The following JADE3 variants were observed in gnomAD, a reference collection of about 807,000 sequenced individuals.
JADE3 encodes the protein protein Jade-3.
A neutral mutation model predicts 50.1 loss-of-function variants in JADE3; 2 were observed. That is an observed-to-expected ratio of 0.04 (90% confidence interval 0.02 to 0.13). The LOEUF (loss-of-function observed/expected upper bound fraction) is 0.13. Ranked by LOEUF, JADE3 falls within the 10% of genes least tolerant of loss-of-function variation. The pLI, the probability that JADE3 is intolerant of heterozygous loss-of-function variation, is 1.00. For missense variants in JADE3, 475 were observed against 634.4 expected, an observed-to-expected ratio of 0.75 and a Z score of 2.70; for synonymous variants, 218 against 232.9, an observed-to-expected ratio of 0.94 and a Z score of 0.58.
intron 4 of JADE3, among the ~76,000 whole-genome samples, chrX:47,009,630 T>C (rs1283326838): frequency 9.2e-6 from 1 of 108,584 alleles, no homozygotes; most frequent in African/African-American, 3.4e-5. Flanking sequence ...TTTTTTTTTT[T>C]CTTTTCATTT....
chrX:47,027,376 A>AC (rs1928929498), intron 5 of JADE3, among the ~76,000 whole-genome samples: 1 of 112,388 alleles, frequency 8.9e-6, no homozygotes, highest in African/African-American at 3.2e-5. Context: ...AATCACCTAC[A>AC]CATGGGACCT....
chrX:47,042,130 T>A (rs1298554347), intron 8 of JADE3, among the ~76,000 whole-genome samples: 1 of 111,453 alleles, frequency 9.0e-6, no homozygotes, highest in Non-Finnish European at 1.9e-5. Flanking sequence ...AGTAGCTAGG[T>A]CTGTAGGCAC....
intron 4 of JADE3, among the ~76,000 whole-genome samples, chrX:47,010,578 G>A (rs1928538635): frequency 9.0e-6 from 1 of 111,619 alleles, no homozygotes; most frequent in Non-Finnish European, 1.9e-5. Context: ...TAAATTATAT[G>A]GTGGTTTTTA....
intron 4 of JADE3, among the ~76,000 whole-genome samples, chrX:46,998,682 ATTTGTTTG>A (rs781855188): frequency 1.8e-5 from 2 of 109,573 alleles, no homozygotes; most frequent in Non-Finnish European, 3.8e-5. Flanking sequence ...TTATTTATTT[ATTTGTTTG>A]TTTGTTTGTT....
At chrX:46,953,207 C>A (rs1452018351) in intron 1 of JADE3, among the ~76,000 whole-genome samples, 4 of 94,133 alleles carry the variant, frequency 4.2e-5, no homozygotes, top group Admixed American at 1.2e-4. Flanking sequence ...ATTCCCCCCC[C>A]ACCGCCCCCC....
intron 9 of JADE3, 90 bp downstream of exon 9, chrX:47,054,718 A>C (rs957084820): frequency 7.6e-6 from 4 of 524,023 alleles, no homozygotes; most frequent in Admixed American, 3.9e-5. Flanking sequence ...CAGTCAGCTC[A>C]TAATAGTGTG....
chrX:46,942,050 C>T (rs782800262), intron 1 of JADE3, among the ~76,000 whole-genome samples: 9 of 110,590 alleles, frequency 8.1e-5, no homozygotes, highest in Non-Finnish European at 1.5e-4. Flanking sequence ...GCCTTTTGTC[C>T]ACCTTTTAAT....
chrX:47,058,079 A>G, intron 10 of JADE3, 88 bp from the exon 11 acceptor site: 1 of 755,818 alleles, frequency 1.3e-6, no homozygotes, highest in Non-Finnish European at 2.0e-6. Context: ...AACATTTGGA[A>G]GAGTAGGTAT....
chrX:46,949,337 A>C lies in JADE3; in HGVS notation c.-11-35547A>C, dbSNP rs554388515. On this transcript the variant is annotated intron_variant, in intron 1 of 10. Transcript: ENST00000614628. ...AGCATTCTCATACATGTCTTCAGGA[A>C]CATTTGTGTACATTTCTGTTGTATA... is the stretch of plus-strand genomic sequence containing the variant. Among the ~76,000 whole-genome samples the C allele has an allele frequency of 1.3e-3, 151 of 111,935 alleles. 3 individuals are homozygous for C. The highest frequency in any genetic ancestry group is 0.011 in the South Asian group (30 of 2,685).
At chrX:46,973,672 T>G (rs781860784) in intron 1 of JADE3, among the ~76,000 whole-genome samples, 1 of 112,227 alleles carries the variant, frequency 8.9e-6, no homozygotes, top group African/African-American at 3.2e-5. Flanking sequence ...AGGGGTGAAT[T>G]CTGAATTAAA....
intron 8 of JADE3, among the ~76,000 whole-genome samples, chrX:47,040,871 A>C (rs1929241249): frequency 8.9e-6 from 1 of 111,831 alleles, no homozygotes; most frequent in South Asian, 3.7e-4. Context: ...TTTACTGGGA[A>C]GTTGTAATTG....
Position 47,017,234 on chromosome X carries a change from G to GT in JADE3, c.285-7489dup, listed in dbSNP as rs202137898. Among the ~76,000 whole-genome samples the GT allele has an allele frequency of 4.5e-3, 500 of 111,665 alleles. 1 individual carries two copies. The highest frequency in any genetic ancestry group is 0.015 in the African/African-American group (466 of 30,737). ...AGAGATTACAGAGCCATCTTGCACT[G>GT]TAAGTTATAGCTGCTTAGGTAAGTA... On this transcript the variant is annotated intron_variant, in intron 4 of 10. Coordinates refer to ENST00000614628, the MANE Select transcript of JADE3 (RefSeq NM_014735.5).
intron 10 of JADE3, among the ~76,000 whole-genome samples, chrX:47,056,904 G>A (rs1317665707): frequency 8.9e-6 from 1 of 112,187 alleles, no homozygotes. Context: ...TGGACAGGGT[G>A]TGCAGAATCA....
At position 47,058,148 on chromosome X, in the gene JADE3, T is replaced by C; in HGVS notation, c.1562-19T>C. The C allele has an allele frequency of 8.5e-7, 1 of 1,180,205 alleles. No homozygotes were observed. Among genetic ancestry groups the C allele is most frequent in the Admixed American group, 2.4e-5 (1 of 42,160 alleles). On this transcript the variant is annotated intron_variant, in intron 10 of 10. Transcript: ENST00000614628. ...TATTTAAATCGGTTGTTAAAACGAATCTTTCTTTTTTATCTCAGGGCTTCC... is the reference window on the plus strand; with the variant it reads ...TATTTAAATCGGTTGTTAAAACGAACCTTTCTTTTTTATCTCAGGGCTTCC...
chrX:46,952,451 T>C (rs1413111600), intron 1 of JADE3, among the ~76,000 whole-genome samples: 1 of 112,327 alleles, frequency 8.9e-6, no homozygotes, highest in Non-Finnish European at 1.9e-5. Flanking sequence ...GTGTGTTAAC[T>C]CATTTCTCCA....
At chrX:47,004,712 C>T (rs987773888) in intron 4 of JADE3, among the ~76,000 whole-genome samples, 11 of 112,632 alleles carry the variant, frequency 9.8e-5, no homozygotes, top group Non-Finnish European at 1.7e-4. Context: ...GGATTACGGG[C>T]GTGAGCCACT....
intron 1 of JADE3, among the ~76,000 whole-genome samples, chrX:46,927,749 C>G (rs1188991518): frequency 9.0e-6 from 1 of 111,624 alleles, no homozygotes; most frequent in Non-Finnish European, 1.9e-5. Context: ...AAATACTCAG[C>G]AAGTCTTGCC....
chrX:46,936,235 T>G (rs1556341035), intron 1 of JADE3, among the ~76,000 whole-genome samples: 2 of 111,052 alleles, frequency 1.8e-5, no homozygotes. Context: ...GCCAAGCTGG[T>G]CTTGAATTCC....
chrX:46,944,381 C>CT (rs1281835357), intron 1 of JADE3, among the ~76,000 whole-genome samples: 1 of 107,962 alleles, frequency 9.3e-6, no homozygotes, highest in Non-Finnish European at 1.9e-5. Context: ...TCTTGGCTCA[C>CT]TGCAACCTCC....
Sources: gnomAD v4.1 joint callset for allele counts (sites outside exome capture counted in the v4.1 genomes callset) on GRCh38, gnomAD v4.1.1 for gene constraint, MANE v1.5 for transcripts, NCBI Gene and HGNC (gene_info 2026-07-23, HGNC 2026-07-21) for gene names.